The following SDHA variants were observed in gnomAD, a reference collection of about 807,000 sequenced individuals.
SDHA encodes the protein succinate dehydrogenase [ubiquinone] flavoprotein subunit, mitochondrial.
A neutral mutation model predicts 78.4 loss-of-function variants in SDHA; 48 were observed. The ratio of observed to expected loss-of-function variants is 0.61; its 90% confidence interval spans 0.49 to 0.78. The LOEUF is 0.78. SDHA is among the 30% of genes least tolerant of loss of function. The probability of loss-of-function intolerance (pLI) is 0.00; values close to 1 mark genes in which losing one functional copy is unlikely to be tolerated. For missense variants in SDHA, 680 were observed against 892.7 expected (o/e 0.76, Z 3.04); for synonymous variants, 326 against 353.9 (o/e 0.92, Z 0.88).
chr5:249,036 G>A, intron 11 of SDHA: 2 of 404,274 alleles, frequency 4.9e-6, no homozygotes, highest in South Asian at 3.6e-5. Flanking sequence ...GTACAAACTT[G>A]TCTTTGGATA....
At chr5:242,825 G>A (rs972471985) in intron 11 of SDHA, among the ~76,000 whole-genome samples, 6 of 152,140 alleles carry the variant, frequency 3.9e-5, no homozygotes, top group South Asian at 2.1e-4. Flanking sequence ...GCTCTGGTTC[G>A]TTCCACCTTG....
intron 7 of SDHA, 66 bp from the exon 8 acceptor site, chr5:233,411 A>G (rs1735537564): frequency 1.9e-6 from 3 of 1,570,774 alleles, no homozygotes; most frequent in Admixed American, 3.3e-5. Context: ...TGTCTTGAAA[A>G]AAATAATGCA....
chr5:230,055 T>C (rs1002861584), intron 6 of SDHA, among the ~76,000 whole-genome samples: 3 of 152,272 alleles, frequency 2.0e-5, no homozygotes, highest in African/African-American at 7.2e-5. Context: ...GTTAATATTA[T>C]AACTTGAAAT....
chr5:262,671 T>C, the SDHA span, among the ~76,000 whole-genome samples: 1 of 152,236 alleles, frequency 6.6e-6, no homozygotes, highest in Non-Finnish European at 1.5e-5. Context: ...ACCACCAGTT[T>C]AAATAACCAA....
intron 13 of SDHA, among the ~76,000 whole-genome samples, chr5:252,212 G>A (rs1259074607): frequency 1.4e-5 from 2 of 143,728 alleles, no homozygotes; most frequent in Non-Finnish European, 3.0e-5. Context: ...CCTGCCCTGT[G>A]AAGGAAATGC....
At chr5:245,958 A>G (rs549377957) in intron 11 of SDHA, among the ~76,000 whole-genome samples, 15 of 152,346 alleles carry the variant, frequency 9.8e-5, no homozygotes, top group African/African-American at 2.4e-4. Flanking sequence ...CGGCTATGCC[A>G]TGAGTAATCT....
At chr5:239,658 C>A (rs566853476) in intron 10 of SDHA, among the ~76,000 whole-genome samples, 1 of 152,146 alleles carries the variant, frequency 6.6e-6, no homozygotes, top group African/African-American at 2.4e-5. Context: ...ACCTTCCCCC[C>A]GCTGATGTGA....
chr5:218,849 TGC>T (rs1198486003), intron 1 of SDHA, among the ~76,000 whole-genome samples: 2 of 152,050 alleles, frequency 1.3e-5, no homozygotes, highest in Non-Finnish European at 2.9e-5. Context: ...CCGCCCTCTG[TGC>T]GGGTTGTCCT....
At chr5:255,144 G>GTC (rs1478262696) in intron 14 of SDHA, among the ~76,000 whole-genome samples, 1 of 151,686 alleles carries the variant, frequency 6.6e-6, no homozygotes, top group Non-Finnish European at 1.5e-5. Flanking sequence ...GTGGTAGGGG[G>GTC]GTCGCAGCCT....
intron 11 of SDHA, among the ~76,000 whole-genome samples, chr5:248,075 G>GA (rs1293420296): frequency 6.6e-6 from 1 of 152,254 alleles, no homozygotes; most frequent in Non-Finnish European, 1.5e-5. Context: ...TGCAAAGACA[G>GA]AAGCAGAACA....
intron 10 of SDHA, among the ~76,000 whole-genome samples, chr5:239,581 T>A (rs951433393): frequency 2.7e-5 from 4 of 150,626 alleles, no homozygotes; most frequent in African/African-American, 9.8e-5. Flanking sequence ...AAATTGCTAA[T>A]CTTGAAGTAT....
chr5:255,922 T>C (rs2126644947), intron 14 of SDHA, among the ~76,000 whole-genome samples: 1 of 152,336 alleles, frequency 6.6e-6, no homozygotes, highest in South Asian at 2.1e-4. Flanking sequence ...CCAGAAGCGT[T>C]GTGGATTTCA....
intron 11 of SDHA, among the ~76,000 whole-genome samples, chr5:244,053 C>G (rs1736296783): frequency 6.6e-6 from 1 of 152,122 alleles, no homozygotes; most frequent in Non-Finnish European, 1.5e-5. Flanking sequence ...CAGTGTCACT[C>G]TAAGTTTGAT....
chr5:247,390 C>T (rs1561007151), intron 11 of SDHA, among the ~76,000 whole-genome samples: 2 of 152,228 alleles, frequency 1.3e-5, no homozygotes, highest in Non-Finnish European at 2.9e-5. Flanking sequence ...CTTCCAGGAC[C>T]TTTGACTGCA....
chr5:246,445 G>A (rs78905930), intron 11 of SDHA, among the ~76,000 whole-genome samples: 24,811 of 128,744 alleles, frequency 0.19, 2,909 homozygotes, highest in African/African-American at 0.39. Context: ...CTCGAGCTGC[G>A]GCTGATCAAA....
chr5:248,001 AT>A (rs894927228), intron 11 of SDHA, among the ~76,000 whole-genome samples: 1 of 141,536 alleles, frequency 7.1e-6, no homozygotes, highest in Non-Finnish European at 1.5e-5. Flanking sequence ...CATTATTTAA[AT>A]TTTTTGAGCC....
intron 11 of SDHA, among the ~76,000 whole-genome samples, chr5:243,613 CAG>C (rs570310503): frequency 2.8e-4 from 42 of 152,250 alleles, no homozygotes; most frequent in African/African-American, 7.9e-4. Flanking sequence ...TGCAGTAAAA[CAG>C]GGACCAAAAG....
intron 11 of SDHA, among the ~76,000 whole-genome samples, chr5:244,297 A>G (rs1299033680): frequency 4.0e-5 from 6 of 151,802 alleles, no homozygotes. Context: ...AGCAGGGACG[A>G]TAGGATTACT....
chr5:248,978 A>G, intron 11 of SDHA: 2 of 396,840 alleles, frequency 5.0e-6, no homozygotes, highest in Non-Finnish European at 9.7e-6. Flanking sequence ...ATAGCTCTTA[A>G]TAAGATCAAA....
Sources: allele counts gnomAD v4.1 joint callset (sites outside exome capture counted in the v4.1 genomes callset), GRCh38; gene constraint gnomAD v4.1.1; transcripts MANE v1.5; gene names NCBI Gene and HGNC (gene_info 2026-07-23, HGNC 2026-07-21).